The following PICK1 variants were observed in gnomAD, a reference collection of about 807,000 sequenced individuals.
PICK1 encodes protein interacting with PRKCA 1.
PICK1 carries 23 observed loss-of-function variants against 48.9 expected under a neutral mutation model. The observed-to-expected ratio is 0.47, with a 90% CI of 0.34 to 0.67. PICK1 has a LOEUF of 0.67. Ranked by LOEUF, PICK1 falls within the 30% of genes least tolerant of loss-of-function variation. The pLI is 0.01. For missense variants in PICK1, 423 were observed against 557.1 expected (o/e 0.76, Z 2.42); for synonymous variants, 217 against 228.2 (o/e 0.95, Z 0.44).
At chr22:38,060,023 C>T (rs2085360726) in intron 3 of PICK1, among the ~76,000 whole-genome samples, 1 of 152,114 alleles carries the variant, frequency 6.6e-6, no homozygotes, top group African/African-American at 2.4e-5. Context: ...ACCAGCCTGG[C>T]CAACATGGTG....
chr22:38,066,252 A>G lies in PICK1; in HGVS notation c.282+1122A>G, dbSNP rs538956165. 6.6e-6 allele frequency among the ~76,000 whole-genome samples: 1 copy of G among 152,296 alleles called. No individual in the cohort carries two copies. Among genetic ancestry groups the G allele is most frequent in the East Asian group, 1.9e-4 (1 of 5,180 alleles). On this transcript the variant is annotated intron_variant, in intron 4 of 12. Transcript: ENST00000356976. This position sits in a 1 kb window ranked among gnomAD's most constrained non-coding sequence, Gnocchi z 4.1. ...ATCACTGCCTCAGGTATGACCTGTT[A>G]GGCAGAGGAGCTGATCATGGGAACA...
At position 38,074,594 on chromosome 22, in the gene PICK1, G is replaced by A. The variant is rs1601961788; in HGVS notation, c.979+143G>A. 1 of 1,251,428 alleles carries A rather than the reference G, an allele frequency of 8.0e-7. No individual in the cohort carries two copies. The highest frequency in any genetic ancestry group is 1.3e-5 in the South Asian group (1 of 77,620). 77.5% of individuals were successfully genotyped at this position (1,251,428 alleles called of 1,614,324 possible). A position where few individuals can be genotyped will look rare whatever the true frequency, so the allele number is the denominator to read the frequency against. ...GCCATCTGCCCAGAGCCTGGCCTGG[G>A]TGGAGCTGGCCTGTGCGCGTGGGCT... On this transcript the variant is annotated intron_variant, in intron 12 of 12. Transcript: ENST00000356976. This position sits in a 1 kb window ranked among gnomAD's most constrained non-coding sequence, Gnocchi z 4.5.
At chr22:38,067,866 T>C in intron 5 of PICK1, 96 bp downstream of exon 5, 1 of 998,724 alleles carries the variant, frequency 1.0e-6, no homozygotes, top group Non-Finnish European at 1.6e-6. Flanking sequence ...CCCTCCCCTT[T>C]ATGACAGGAG....
At chr22:38,067,819 G>T (rs370094966) in intron 5 of PICK1, 49 bp downstream of exon 5, 2 of 1,501,214 alleles carry the variant, frequency 1.3e-6, no homozygotes. Context: ...CCCTGGATGG[G>T]CCCTGGCCCA....
intron 6 of PICK1, among the ~76,000 whole-genome samples, chr22:38,070,626 C>T (rs1044794721): frequency 8.5e-5 from 13 of 152,268 alleles, no homozygotes; most frequent in African/African-American, 2.2e-4. Context: ...CTGCTAGGCA[C>T]GGACCCTCCG....
At chr22:38,059,111 T>G (rs2085338946) in intron 2 of PICK1, 123 bp from the exon 3 acceptor site, 2 of 721,162 alleles carry the variant, frequency 2.8e-6, no homozygotes, top group Non-Finnish European at 5.1e-6. Flanking sequence ...AAATGTTGTT[T>G]TGTCCAAGGG....
intron 3 of PICK1, among the ~76,000 whole-genome samples, chr22:38,060,668 G>A (rs1423464490): frequency 6.6e-6 from 1 of 152,062 alleles, no homozygotes; most frequent in Non-Finnish European, 1.5e-5. Flanking sequence ...CCGTGTGTCT[G>A]CTCAGCCTCT....
At position 38,075,181 on chromosome 22, in the gene PICK1, C is replaced by T. The variant is rs1201741802; in HGVS notation, c.*49C>T. On this transcript the variant is annotated 3_prime_UTR_variant, in exon 13 of 13. Transcript: ENST00000356976. ...GGGCAGGGTGCGTGGGAGGACGGAG[C>T]CTGGGAGCGGGGCGGGGCCGCCGCG... 6.4e-7 allele frequency: 1 copy of T among 1,571,070 alleles called. No individual in the cohort carries two copies. Among genetic ancestry groups the T allele is most frequent in the South Asian group, 1.1e-5 (1 of 87,242 alleles).
rs1215378407 is a variant in PICK1, at chr22:38,066,302, G to A, written c.282+1172G>A. Among the ~76,000 whole-genome samples, 2 of 152,182 alleles carry A rather than the reference G, an allele frequency of 1.3e-5. No homozygotes were observed. The highest frequency in any genetic ancestry group is 2.4e-5 in the African/African-American group (1 of 41,442). On this transcript the variant is annotated intron_variant, in intron 4 of 12. Coordinates refer to ENST00000356976, the MANE Select transcript of PICK1 (RefSeq NM_012407.4). This position sits in a 1 kb window ranked among gnomAD's most constrained non-coding sequence, Gnocchi z 4.1. ...AGGTGCAGGGGGTCTCGTTCTGGCC[G>A]AGTTGGGTTGTGTGTGCCCCATTTG...
rs115773093 is a variant in PICK1, at chr22:38,058,623, C to T, written c.42-611C>T. Among the ~76,000 whole-genome samples, 669 of 152,240 alleles carry T rather than the reference C, an allele frequency of 4.4e-3. 11 individuals carry two copies. The highest frequency in any genetic ancestry group is 0.015 in the African/African-American group (638 of 41,542). ...TGGACTGGGTTGCTGTTAGTGCCCT[C>T]CATGCATGGTTAGAAGAACTCTGAT... On this transcript the variant is annotated intron_variant, in intron 2 of 12. Transcript: ENST00000356976.
intron 3 of PICK1, among the ~76,000 whole-genome samples, chr22:38,061,873 G>A (rs189852416): frequency 1.3e-5 from 2 of 152,240 alleles, no homozygotes; most frequent in East Asian, 1.9e-4. Flanking sequence ...ACTTTGCCTC[G>A]TCTGGTAGAT....
chr22:38,073,913 G>A lies in PICK1; in HGVS notation c.834+90G>A, dbSNP rs1466354989. On this transcript the variant is annotated intron_variant, in intron 11 of 12. Transcript: ENST00000356976. This position sits in a 1 kb window ranked among gnomAD's most constrained non-coding sequence, Gnocchi z 5.7. Reference sequence around the variant, plus strand: ...GGCTCAGGCCAACCCGGGAGAGACCGGGGGGACTTGGCTGGACTCTCGTTC... The same window carrying A: ...GGCTCAGGCCAACCCGGGAGAGACCAGGGGGACTTGGCTGGACTCTCGTTC... 33 of 1,270,550 alleles carry A rather than the reference G, an allele frequency of 2.6e-5. No homozygotes were observed. Among genetic ancestry groups the A allele is most frequent in the South Asian group, 3.6e-5 (3 of 84,006 alleles). 78.7% of individuals were successfully genotyped at this position (1,270,550 alleles called of 1,614,324 possible). A position where few individuals can be genotyped will look rare whatever the true frequency, so the allele number is the denominator to read the frequency against.
rs150654664 is a variant in PICK1, at chr22:38,065,695, C to T, written c.282+565C>T. Among the ~76,000 whole-genome samples, 12 of 152,322 alleles carry T rather than the reference C, an allele frequency of 7.9e-5. No individual in the cohort carries two copies. In the East Asian group the frequency reaches 1.7e-3, roughly 22 times the overall value. On this transcript the variant is annotated intron_variant, in intron 4 of 12. Transcript: ENST00000356976. ...ACACACTGCCTGCCCCGCTTTCCCCCACCCCTGCCGCTCCAGGACTGGAAT... is the reference window on the plus strand; with the variant it reads ...ACACACTGCCTGCCCCGCTTTCCCCTACCCCTGCCGCTCCAGGACTGGAAT...
chr22:38,074,544 G>A lies in PICK1; in HGVS notation c.979+93G>A. 3 of 1,521,022 alleles carry A rather than the reference G, an allele frequency of 2.0e-6. No homozygotes were observed. The highest frequency in any genetic ancestry group is 2.7e-6 in the Non-Finnish European group (3 of 1,114,796). The allele number at this position is 1,521,022 out of a possible 1,614,324, so 94.2% of individuals were successfully genotyped here. A position where few individuals can be genotyped will look rare whatever the true frequency, so the allele number is the denominator to read the frequency against. ...ACTCTCAGGGCCAGGCCACGGCCCAGATGTAAAGCCCCTCCAGGAGCCCAG... is the reference window on the plus strand; with the variant it reads ...ACTCTCAGGGCCAGGCCACGGCCCAAATGTAAAGCCCCTCCAGGAGCCCAG... On this transcript the variant is annotated intron_variant, in intron 12 of 12. Transcript: ENST00000356976. This position sits in a 1 kb window ranked among gnomAD's most constrained non-coding sequence, Gnocchi z 4.5.
Position 38,074,463 on chromosome 22 carries a change from C to CCTCCTCCCCGTCCGCT in PICK1, c.979+17_979+32dup. 6.2e-7 allele frequency: 1 copy of CCTCCTCCCCGTCCGCT among 1,612,938 alleles called. No homozygotes were observed. The highest frequency in any genetic ancestry group is 8.5e-7 in the Non-Finnish European group (1 of 1,179,888). ...GGACCAGAAGCACGGTGAGCGCCGCCCTCCTCCCCGTCCGCTCTCCATTTC... is the reference window on the plus strand; with the variant it reads ...GGACCAGAAGCACGGTGAGCGCCGCCCTCCTCCCCGTCCGCTCTCCTCCCCGTCCGCTCTCCATTTC... On this transcript the variant is annotated intron_variant, in intron 12 of 12. Coordinates refer to ENST00000356976, the MANE Select transcript of PICK1 (RefSeq NM_012407.4). The surrounding 1 kb of genome is among the most constrained non-coding windows in gnomAD (Gnocchi z 4.5).
Position 38,072,603 on chromosome 22 carries a change from T to C in PICK1, c.683T>C (p.Ile228Thr), listed in dbSNP as rs774366608. ...TTCGGCATTCGGCTTCTGAAAACCA[T>C]CAAGCCGGTAGGTCCTATTGAGCAT... The part of the protein sequence containing the change: ...EKFGIRLLKT[I>T]KPMLTDLNTY... The change falls in exon 9 of 13, where the codon ATC becomes ACC. Residue 228 changes from isoleucine (I) to threonine (T), a missense_variant. Around this residue, in one of 2 missense-constraint regions of PICK1, gnomAD observed 279 missense variants for 417.8 expected, o/e 0.67. Coordinates refer to ENST00000356976, the MANE Select transcript of PICK1 (RefSeq NM_012407.4). The C allele has an allele frequency of 3.1e-6, 5 of 1,613,070 alleles. No individual in the cohort carries two copies. Among genetic ancestry groups the C allele is most frequent in the Non-Finnish European group, 4.2e-6 (5 of 1,180,020 alleles).
At chr22:38,057,912 G>T in intron 2 of PICK1, 62 bp downstream of exon 2, 1 of 1,332,950 alleles carries the variant, frequency 7.5e-7, no homozygotes, top group East Asian at 2.3e-5. Context: ...CATTTCCCTG[G>T]ACTTCCCAGT....
Position 38,075,428 on chromosome 22 carries a change from A to ATTTTTT in PICK1, c.*296_*297insTTTTTT. 2.5e-6 allele frequency: 1 copy of ATTTTTT among 400,504 alleles called. No homozygotes were observed. Among genetic ancestry groups the ATTTTTT allele is most frequent in the Non-Finnish European group, 4.5e-6 (1 of 221,044 alleles). The allele number at this position is 400,504 out of a possible 1,614,324, so 24.8% of individuals were successfully genotyped here. ...AGGAAGGAGAGGGAGGGCAGGAAGGAAAAGAAAGGACTTGGAGGTGGCAGG... is the reference window on the plus strand; with the variant it reads ...AGGAAGGAGAGGGAGGGCAGGAAGGATTTTTTAAAGAAAGGACTTGGAGGTGGCAGG... On this transcript the variant is annotated 3_prime_UTR_variant, in exon 13 of 13. Coordinates refer to ENST00000356976, the MANE Select transcript of PICK1 (RefSeq NM_012407.4).
intron 4 of PICK1, chr22:38,065,358 G>A: frequency 1.9e-6 from 1 of 515,726 alleles, no homozygotes; most frequent in Non-Finnish European, 3.6e-6. Flanking sequence ...GCAAGAGAGT[G>A]GGCAGCAAGA....
Sources: allele counts gnomAD v4.1 joint callset (sites outside exome capture counted in the v4.1 genomes callset), GRCh38; gene constraint gnomAD v4.1.1; regional missense constraint gnomAD v4.1.1; non-coding constraint Gnocchi (gnomAD v3.1); transcripts MANE v1.5; gene names NCBI Gene and HGNC (gene_info 2026-07-23, HGNC 2026-07-21).